The following DNAH10 variants were observed in gnomAD, a reference collection of about 807,000 sequenced individuals.
DNAH10 encodes axonemal beta dynein heavy chain 10.
In DNAH10, 348 loss-of-function variants were observed where a neutral mutation model predicts 506.6. That is an observed-to-expected ratio of 0.69 (90% CI 0.63 to 0.75). The LOEUF (loss-of-function observed/expected upper bound fraction) is 0.75, where lower values mean the gene tolerates loss of function less well. Among genes scored for constraint, DNAH10 ranks in the 30% least tolerant of loss-of-function variants. The pLI, the probability that DNAH10 is intolerant of heterozygous loss-of-function variation, is 0.00. For missense variants in DNAH10, 5,179 were observed against 5,787.1 expected (o/e 0.89, Z 3.41); for synonymous variants, 2,059 against 2,198.6 (o/e 0.94, Z 1.78).
At chr12:123,807,413 A>G (rs1958723233) in intron 18 of DNAH10, among the ~76,000 whole-genome samples, 1 of 152,218 alleles carries the variant, frequency 6.6e-6, no homozygotes, top group Non-Finnish European at 1.5e-5. Flanking sequence ...TGGGGAGAGA[A>G]TGGAGATGCT....
chr12:123,834,559 G>A (rs909684065), intron 27 of DNAH10, among the ~76,000 whole-genome samples: 1 of 152,182 alleles, frequency 6.6e-6, no homozygotes, highest in Non-Finnish European at 1.5e-5. Context: ...ACTAGTGATT[G>A]TAAAGTGCAC....
chr12:123,928,367 T>C lies in DNAH10; in HGVS notation c.12106-20T>C. The C allele has an allele frequency of 6.4e-7, 1 of 1,567,106 alleles. No individual in the cohort carries two copies. The highest frequency in any genetic ancestry group is 2.4e-5 in the East Asian group (1 of 42,360). ...GGTTTGGATGCCAACCCCTCTCCTC[T>C]TCCCTCTCCCCCGGCGCAGGTGGCC... On this transcript the variant is annotated intron_variant, in intron 69 of 78. Coordinates refer to ENST00000673944, the MANE Select transcript of DNAH10 (RefSeq NM_001372106.1). The surrounding 1 kb of genome is among the most constrained non-coding windows in gnomAD (Gnocchi z 4.9).
intron 36 of DNAH10, among the ~76,000 whole-genome samples, chr12:123,854,789 A>G (rs1412386905): frequency 1.3e-5 from 2 of 152,192 alleles, no homozygotes; most frequent in African/African-American, 4.8e-5. Flanking sequence ...CAGTAAATCT[A>G]TGTCACAGGA....
chr12:123,765,696 CTG>C (rs573642183), intron 1 of DNAH10, among the ~76,000 whole-genome samples: 2 of 151,624 alleles, frequency 1.3e-5, no homozygotes, highest in Non-Finnish European at 2.9e-5. Flanking sequence ...ACTGACCAAT[CTG>C]TGTGTCTATC....
At chr12:123,819,099 C>T (rs1212636252) in intron 22 of DNAH10, 33 bp downstream of exon 22, 1 of 1,600,164 alleles carries the variant, frequency 6.2e-7, no homozygotes, top group Non-Finnish European at 8.5e-7. Context: ...TGAGTAAAGA[C>T]ATTGAAAAAC....
Position 123,859,249 on chromosome 12 carries a change from C to T in DNAH10, c.6730C>T (p.Leu2244=), listed in dbSNP as rs886446789. Residue 2244 remains leucine, a synonymous_variant, in exon 38 of 79, where the codon CTG becomes TTG. Transcript: ENST00000673944. ...RGGKSVVINT[L]CQAQTKLGLT... is the part of the protein sequence containing the mutation. ...GGGCAAGTCCGTCGTCATTAACACT[C>T]TGTGTCAGGCCCAGACCAAGTGAGT... 1 of 1,608,392 alleles carries T rather than the reference C, an allele frequency of 6.2e-7. No individual in the cohort carries two copies. The highest frequency in any genetic ancestry group is 1.3e-5 in the African/African-American group (1 of 74,874).
At chr12:123,843,077 C>T (rs1231222146) in intron 30 of DNAH10, among the ~76,000 whole-genome samples, 1 of 152,200 alleles carries the variant, frequency 6.6e-6, no homozygotes, top group Non-Finnish European at 1.5e-5. Context: ...ATAGCTACCA[C>T]TTTGCTAGGG....
chr12:123,845,467 A>G, intron 30 of DNAH10, 133 bp from the exon 31 acceptor site: 1 of 1,180,032 alleles, frequency 8.5e-7, no homozygotes, highest in Non-Finnish European at 1.2e-6. Flanking sequence ...AAACAAATAC[A>G]GGCACTTGCT....
At chr12:123,797,160 A>C (rs1958309459) in intron 13 of DNAH10, among the ~76,000 whole-genome samples, 2 of 151,974 alleles carry the variant, frequency 1.3e-5, no homozygotes. Context: ...CGTAAGCCAT[A>C]GCACCCGGCC....
rs1344618511 is a variant in DNAH10 at position 123,916,404 on chromosome 12, G to T, written c.10723-53G>T. ...CCAAGCCATTCTCCCCTTATATTTG[G>T]CAGGGCCACAGTTAAACGTGGGCTT... On this transcript the variant is annotated intron_variant, in intron 62 of 78. Transcript: ENST00000673944. The surrounding 1 kb of genome is among the most constrained non-coding windows in gnomAD (Gnocchi z 4.6). The T allele has an allele frequency of 1.9e-6, 3 of 1,554,430 alleles. No individual in the cohort carries two copies. In the Admixed American group the frequency reaches 5.8e-5, roughly 30 times the overall value.
intron 19 of DNAH10, 111 bp downstream of exon 19, chr12:123,809,064 C>T (rs1340299968): frequency 1.5e-6 from 2 of 1,300,512 alleles, no homozygotes; most frequent in East Asian, 4.7e-5. Flanking sequence ...GAATTCTTGA[C>T]CTTCTGCCTT....
At chr12:123,806,654 ACT>A (rs963862842) in intron 18 of DNAH10, among the ~76,000 whole-genome samples, 7 of 151,558 alleles carry the variant, frequency 4.6e-5, no homozygotes, top group Non-Finnish European at 1.0e-4. Flanking sequence ...CCTTTAAATA[ACT>A]CTGTTTTCTG....
At chr12:123,816,881 G>A (rs928145041) in intron 21 of DNAH10, among the ~76,000 whole-genome samples, 2 of 152,148 alleles carry the variant, frequency 1.3e-5, no homozygotes, top group South Asian at 2.1e-4. Context: ...CAAAGTGATG[G>A]TACCCCTTTA....
chr12:123,868,143 T>A, intron 43 of DNAH10, 24 bp downstream of exon 43: 8 of 1,598,344 alleles, frequency 5.0e-6, no homozygotes, highest in Non-Finnish European at 6.8e-6. Flanking sequence ...GTCGCCTGTT[T>A]CCCTGCTCTG....
intron 74 of DNAH10, 62 bp downstream of exon 74, chr12:123,931,534 C>A: frequency 6.2e-7 from 1 of 1,605,816 alleles, no homozygotes; most frequent in Non-Finnish European, 8.5e-7. Flanking sequence ...CTTCTTGTAG[C>A]CCTCCCACGT....
chr12:123,814,309 C>T (rs1959061048), intron 21 of DNAH10: 1 of 155,104 alleles, frequency 6.4e-6, no homozygotes. Flanking sequence ...TTTGGGTTCT[C>T]AGGATCTTTC....
chr12:123,767,487 A>G (rs567720357), intron 1 of DNAH10, 119 bp from the exon 2 acceptor site: 320 of 879,446 alleles, frequency 3.6e-4, no homozygotes, highest in Non-Finnish European at 5.5e-4. Flanking sequence ...CTGTAACATA[A>G]CGAGTCTCCT....
chr12:123,837,959 CAT>C (rs1961354025), intron 28 of DNAH10, among the ~76,000 whole-genome samples: 1 of 152,056 alleles, frequency 6.6e-6, no homozygotes, highest in Admixed American at 6.6e-5. Context: ...AATAAATAAA[CAT>C]TGAAATTATC....
intron 73 of DNAH10, among the ~76,000 whole-genome samples, chr12:123,930,783 G>GATGGGAAA (rs1217176275): frequency 2.6e-5 from 4 of 152,162 alleles, no homozygotes; most frequent in Non-Finnish European, 4.4e-5. Context: ...AATAAATCAG[G>GATGGGAAA]TTCCACCTGG....
Sources: gnomAD v4.1 joint callset for allele counts (sites outside exome capture counted in the v4.1 genomes callset) on GRCh38, gnomAD v4.1.1 for gene constraint, Gnocchi (gnomAD v3.1) non-coding constraint, MANE v1.5 for transcripts, NCBI Gene and HGNC (gene_info 2026-07-23, HGNC 2026-07-21) for gene names.